Variants in PM20D2 observed in about 807,000 individuals in gnomAD.
PM20D2 encodes xaa-Arg dipeptidase.
In PM20D2, 33 loss-of-function variants were observed where a neutral mutation model predicts 42.9. The ratio of observed to expected loss-of-function variants is 0.77; its 90% CI spans 0.58 to 1.03. PM20D2 has a LOEUF of 1.03. Among genes scored for constraint, PM20D2 ranks in the 50% least tolerant of loss-of-function variants. The pLI is 0.00. For missense variants in PM20D2, 548 were observed against 557.0 expected (o/e 0.98, Z 0.16); for synonymous variants, 250 against 228.2 (o/e 1.10, Z -0.86).
the PM20D2 span, among the ~76,000 whole-genome samples, chr6:89,113,545 G>A: frequency 5.9e-5 from 9 of 152,128 alleles, no homozygotes; most frequent in Non-Finnish European, 1.0e-4. Flanking sequence ...CTGACCTCAA[G>A]TGATCCACGT....
At chr6:89,156,294 G>A (rs1582347538) in intron 4 of PM20D2, among the ~76,000 whole-genome samples, 1 of 152,206 alleles carries the variant, frequency 6.6e-6, no homozygotes, top group Non-Finnish European at 1.5e-5. Context: ...GGAGCCTGTA[G>A]TCTAGTTGGA....
Position 89,165,120 on chromosome 6 carries a change from CA to C in PM20D2, c.*2861del, listed in dbSNP as rs1771376024. 6.6e-6 allele frequency: 1 copy of C among 150,846 alleles called. No homozygotes were observed. 9.3% of individuals were successfully genotyped at this position (150,846 alleles called of 1,614,324 possible). On this transcript the variant is annotated 3_prime_UTR_variant, in exon 7 of 7. Transcript: ENST00000275072. ...AAATACTTAAGTCAGTCATTTTGAA[CA>C]AAAGAAATTGATACAATAAGTTTTT...
At chr6:89,157,058 G>A (rs1771073521) in intron 4 of PM20D2, among the ~76,000 whole-genome samples, 1 of 151,982 alleles carries the variant, frequency 6.6e-6, no homozygotes, top group South Asian at 2.1e-4. Flanking sequence ...AAGGTTTGTT[G>A]TTATTGGATT....
At chr6:89,106,985 A>C in the PM20D2 span, 36 of 720,290 alleles carry the variant, frequency 5.0e-5, no homozygotes, top group South Asian at 4.9e-4. Flanking sequence ...GTTGGTTCAA[A>C]CTGGGGGGTG....
chr6:89,117,890 C>G, the PM20D2 span: 1 of 1,561,510 alleles, frequency 6.4e-7, no homozygotes, highest in Non-Finnish European at 8.6e-7. Context: ...CGAGACATGA[C>G]CGCTTCCTCC....
the PM20D2 span, among the ~76,000 whole-genome samples, chr6:89,138,204 C>T: frequency 6.6e-6 from 1 of 152,030 alleles, no homozygotes; most frequent in Admixed American, 6.6e-5. Flanking sequence ...GGAGTACAGG[C>T]ATGAGACCAT....
At chr6:89,147,679 C>G (rs1770640864) in intron 1 of PM20D2, among the ~76,000 whole-genome samples, 1 of 151,116 alleles carries the variant, frequency 6.6e-6, no homozygotes, top group Admixed American at 6.6e-5. Flanking sequence ...GTCTGGAGTT[C>G]GAGACCCGCC....
chr6:89,144,913 G>A (rs1157769081), upstream of PM20D2, among the ~76,000 whole-genome samples: 20 of 152,342 alleles, frequency 1.3e-4, no homozygotes, highest in African/African-American at 4.8e-4. Flanking sequence ...GTTTTCAGAC[G>A]TGAATGGAAT....
the PM20D2 span, chr6:89,105,311 C>T: frequency 1.3e-6 from 2 of 1,573,970 alleles, no homozygotes; most frequent in Non-Finnish European, 1.7e-6. Flanking sequence ...CTGAACACCA[C>T]AGTAACAACC....
At chr6:89,159,588 G>A (rs1350481853) in intron 5 of PM20D2, among the ~76,000 whole-genome samples, 2 of 152,202 alleles carry the variant, frequency 1.3e-5, no homozygotes, top group Non-Finnish European at 2.9e-5. Context: ...AAGAGAGTTA[G>A]CTTTCAAGGA....
the PM20D2 span, among the ~76,000 whole-genome samples, chr6:89,112,211 C>T: frequency 3.3e-5 from 5 of 152,072 alleles, no homozygotes; most frequent in South Asian, 4.2e-4. Context: ...CCACCTCTCC[C>T]GGCCTAAAAC....
At chr6:89,125,263 G>A in the PM20D2 span, among the ~76,000 whole-genome samples, 4 of 152,064 alleles carry the variant, frequency 2.6e-5, no homozygotes, top group East Asian at 1.9e-4. Context: ...GGCGGATCAC[G>A]AGGTCAGGAG....
chr6:89,118,010 C>T, the PM20D2 span: 2 of 1,003,504 alleles, frequency 2.0e-6, no homozygotes, highest in Non-Finnish European at 2.8e-6. Context: ...CCCTCGGCCT[C>T]AGCCCCGCCA....
At chr6:89,139,511 C>G in the PM20D2 span, among the ~76,000 whole-genome samples, 3 of 152,118 alleles carry the variant, frequency 2.0e-5, no homozygotes, top group African/African-American at 7.2e-5. Flanking sequence ...ACCCTTATGA[C>G]CTTATTTCAC....
chr6:89,143,303 G>A (rs1176787476), upstream of PM20D2, among the ~76,000 whole-genome samples: 1 of 152,056 alleles, frequency 6.6e-6, no homozygotes, highest in African/African-American at 2.4e-5. Context: ...CTTTTCCAGG[G>A]TAAAGGAAAT....
chr6:89,126,621 G>T, the PM20D2 span, among the ~76,000 whole-genome samples: 1 of 138,992 alleles, frequency 7.2e-6, no homozygotes, highest in African/African-American at 2.7e-5. Flanking sequence ...AGTGAGCTGA[G>T]ATTGCGCCAC....
chr6:89,141,697 GTC>G (rs1311059103), upstream of PM20D2, among the ~76,000 whole-genome samples: 1 of 152,176 alleles, frequency 6.6e-6, no homozygotes, highest in Non-Finnish European at 1.5e-5. Flanking sequence ...TCAGACCTAA[GTC>G]TGTTTCCAAT....
chr6:89,107,245 G>C, the PM20D2 span: 1 of 1,613,778 alleles, frequency 6.2e-7, no homozygotes, highest in Non-Finnish European at 8.5e-7. Context: ...AACTCACGGC[G>C]CAAGTCCTCA....
chr6:89,117,780 C>A, the PM20D2 span: 1 of 1,520,428 alleles, frequency 6.6e-7, no homozygotes, highest in South Asian at 1.2e-5. Flanking sequence ...GCTGTTACCC[C>A]GCCCCTCCTC....
Sources: allele counts gnomAD v4.1 joint callset (sites outside exome capture counted in the v4.1 genomes callset), GRCh38; gene constraint gnomAD v4.1.1; transcripts MANE v1.5; gene names NCBI Gene and HGNC (gene_info 2026-07-23, HGNC 2026-07-21).